C8orf34: variants seen among roughly 807,000 people sequenced by gnomAD.
C8orf34 encodes the protein uncharacterized protein C8orf34.
A neutral mutation model predicts 68.3 loss-of-function variants in C8orf34; 65 were observed. The observed-to-expected ratio is 0.95, with a 90% CI of 0.78 to 1.17. C8orf34 has a LOEUF of 1.17. Ranked by LOEUF, C8orf34 falls within the 50% of genes most tolerant of loss-of-function variation. The pLI, the probability that C8orf34 is intolerant of heterozygous loss-of-function variation, is 0.00. For missense variants in C8orf34, 664 were observed against 655.4 expected, an observed-to-expected ratio of 1.01 and a Z score of -0.14; for synonymous variants, 244 against 241.2, an observed-to-expected ratio of 1.01 and a Z score of -0.11.
chr8:68,583,523 G>A (rs906333527), intron 7 of C8orf34, among the ~76,000 whole-genome samples: 1 of 151,948 alleles, frequency 6.6e-6, no homozygotes, highest in African/African-American at 2.4e-5. Context: ...AAATTCTTCA[G>A]GTAAGTAATG....
intron 7 of C8orf34, among the ~76,000 whole-genome samples, chr8:68,554,183 GTATGT>G (rs1238752506): frequency 1.3e-5 from 2 of 152,114 alleles, no homozygotes; most frequent in Non-Finnish European, 2.9e-5. Flanking sequence ...AGTTTGAGAT[GTATGT>G]TATACTTACA....
chr8:68,646,212 G>GCATATGGTATATCC (rs1819167682), intron 8 of C8orf34, among the ~76,000 whole-genome samples: 3 of 152,030 alleles, frequency 2.0e-5, no homozygotes, highest in Non-Finnish European at 2.9e-5. Context: ...GTCTGAAAGT[G>GCATATGGTATATCC]AGTTTGCATA....
intron 8 of C8orf34, among the ~76,000 whole-genome samples, chr8:68,697,425 T>C (rs560219692): frequency 6.6e-6 from 1 of 152,238 alleles, no homozygotes; most frequent in East Asian, 1.9e-4. Flanking sequence ...TATTGCTAAA[T>C]GACTATTGAA....
intron 7 of C8orf34, among the ~76,000 whole-genome samples, chr8:68,552,166 A>G (rs1360446172): frequency 6.6e-6 from 1 of 152,136 alleles, no homozygotes; most frequent in Admixed American, 6.5e-5. Flanking sequence ...TAAGTCCTCC[A>G]ACTCTGTGCT....
At chr8:68,643,711 C>T (rs557908335) in intron 8 of C8orf34, among the ~76,000 whole-genome samples, 2 of 152,234 alleles carry the variant, frequency 1.3e-5, no homozygotes, top group African/African-American at 4.8e-5. Context: ...AATCACCTCC[C>T]AATATCCCTA....
intron 1 of C8orf34, among the ~76,000 whole-genome samples, chr8:68,432,740 T>G (rs1200574126): frequency 6.6e-6 from 1 of 152,094 alleles, no homozygotes; most frequent in Non-Finnish European, 1.5e-5. Context: ...TCTCTGAATG[T>G]CAGGGAAGAC....
chr8:68,512,055 C>T (rs1471845699), intron 5 of C8orf34, among the ~76,000 whole-genome samples: 1 of 152,044 alleles, frequency 6.6e-6, no homozygotes, highest in African/African-American at 2.4e-5. Context: ...TTTGGGAGCA[C>T]CTGTTAAATT....
At chr8:68,565,340 A>G (rs1012937845) in intron 7 of C8orf34, among the ~76,000 whole-genome samples, 2 of 152,184 alleles carry the variant, frequency 1.3e-5, no homozygotes, top group African/African-American at 4.8e-5. Context: ...CATGTTAGGA[A>G]GCAAATCAAT....
At chr8:68,357,483 C>T (rs1262498728) in intron 1 of C8orf34, among the ~76,000 whole-genome samples, 2 of 152,082 alleles carry the variant, frequency 1.3e-5, no homozygotes, top group African/African-American at 4.8e-5. Flanking sequence ...GTAGGGAACA[C>T]AGAGATCAAC....
chr8:68,689,483 C>T (rs1015515234), intron 8 of C8orf34, among the ~76,000 whole-genome samples: 1 of 152,092 alleles, frequency 6.6e-6, no homozygotes, highest in Non-Finnish European at 1.5e-5. Flanking sequence ...TGTGGCCTCA[C>T]AGCCCATGCT....
intron 1 of C8orf34, among the ~76,000 whole-genome samples, chr8:68,383,385 A>G (rs1264371023): frequency 6.6e-6 from 1 of 152,178 alleles, no homozygotes; most frequent in Non-Finnish European, 1.5e-5. Flanking sequence ...GTGACTGGTA[A>G]TGTATGAGCT....
chr8:68,534,203 G>A (rs1815369098), intron 7 of C8orf34: 1 of 985,236 alleles, frequency 1.0e-6, no homozygotes, highest in African/African-American at 1.7e-5. Flanking sequence ...GTTTTCTGAT[G>A]CTGTAAAAAC....
At chr8:68,769,952 G>A (rs760981866) in intron 10 of C8orf34, among the ~76,000 whole-genome samples, 2 of 152,064 alleles carry the variant, frequency 1.3e-5, no homozygotes, top group Admixed American at 6.6e-5. Flanking sequence ...GAGGGGAGCC[G>A]GGGATGGCTT....
intron 1 of C8orf34, among the ~76,000 whole-genome samples, chr8:68,399,809 T>G (rs919715483): frequency 1.3e-5 from 2 of 152,150 alleles, no homozygotes; most frequent in Non-Finnish European, 2.9e-5. Context: ...CTCTGCATCC[T>G]CACCAACATC....
intron 5 of C8orf34, among the ~76,000 whole-genome samples, chr8:68,491,308 G>A (rs1261831972): frequency 6.7e-6 from 1 of 150,164 alleles, no homozygotes; most frequent in African/African-American, 2.5e-5. Flanking sequence ...CTTTCTCTTC[G>A]ATGACTACTG....
chr8:68,644,213 G>C (rs1024826034), intron 8 of C8orf34, among the ~76,000 whole-genome samples: 5 of 152,202 alleles, frequency 3.3e-5, no homozygotes, highest in African/African-American at 1.2e-4. Context: ...AGATTTAGGA[G>C]CTTATATACC....
At chr8:68,410,817 G>A (rs1400551) in intron 1 of C8orf34, among the ~76,000 whole-genome samples, 5,232 of 152,192 alleles carry the variant, frequency 0.034, 308 homozygotes, top group African/African-American at 0.12. Context: ...GGTAAAAGCC[G>A]CAACTGCCAA....
At position 68,330,975 on chromosome 8, in the gene C8orf34, G is replaced by T. The variant is rs572196803; in HGVS notation, c.-38G>T. On this transcript the variant is annotated 5_prime_UTR_variant, in exon 1 of 14. Transcript: ENST00000518698. ...TCCCCACTGCGCCGGGCGCTGCGGA[G>T]AGCGGCGAGGGTGGGCGCGAGGCGG... The T allele has an allele frequency of 6.7e-6, 9 of 1,346,840 alleles. No individual in the cohort carries two copies. Among genetic ancestry groups the T allele is most frequent in the Non-Finnish European group, 7.6e-6 (8 of 1,047,312 alleles). The allele number at this position is 1,346,840 out of a possible 1,614,324, so 83.4% of individuals were successfully genotyped here.
At chr8:68,424,561 C>A (rs1200879878) in intron 1 of C8orf34, among the ~76,000 whole-genome samples, 1 of 151,994 alleles carries the variant, frequency 6.6e-6, no homozygotes, top group Non-Finnish European at 1.5e-5. Context: ...AGTGGTTAAA[C>A]AATCAATTAC....
Sources: gnomAD v4.1 joint callset for allele counts (sites outside exome capture counted in the v4.1 genomes callset) on GRCh38, gnomAD v4.1.1 for gene constraint, MANE v1.5 for transcripts, NCBI Gene and HGNC (gene_info 2026-07-23, HGNC 2026-07-21) for gene names.